Variants in TXNDC9 observed in about 807,000 individuals in gnomAD.
TXNDC9 encodes thioredoxin domain-containing protein 9.
TXNDC9 carries 7 observed loss-of-function variants against 23.0 expected under a neutral mutation model. The ratio of observed to expected loss-of-function variants is 0.30; its 90% CI spans 0.17 to 0.57. The LOEUF (loss-of-function observed/expected upper bound fraction) is 0.57. Among genes scored for constraint, TXNDC9 ranks in the 20% least tolerant of loss-of-function variants. The pLI, the probability that TXNDC9 is intolerant of heterozygous loss-of-function variation, is 0.90. For synonymous variants in TXNDC9, 72 were observed against 90.6 expected (o/e 0.79, Z 1.17); for missense variants, 198 against 252.6 (o/e 0.78, Z 1.47).
At chr2:99,322,849 C>A (rs1229647911) in intron 3 of TXNDC9, 1 of 615,064 alleles carries the variant, frequency 1.6e-6, no homozygotes, top group Non-Finnish European at 2.3e-6. Context: ...GCAAGCTCCG[C>A]CTCCCTGGTT....
rs185057211 is a variant in TXNDC9, at chr2:99,329,797, G to A, written c.190-2144C>T. ...AGCCTGGGCAACACGGCGAAACCCTGTCTCTACAAAAAATATGAAAATTAG... is the reference window on the plus strand; with the variant it reads ...AGCCTGGGCAACACGGCGAAACCCTATCTCTACAAAAAATATGAAAATTAG... On this transcript the variant is annotated intron_variant, in intron 2 of 4. Coordinates refer to ENST00000264255, the MANE Select transcript of TXNDC9 (RefSeq NM_005783.4). Among the ~76,000 whole-genome samples the A allele has an allele frequency of 6.4e-4, 97 of 150,560 alleles. 1 individual carries two copies. The highest frequency in any genetic ancestry group is 2.3e-3 in the African/African-American group (93 of 40,894).
intron 2 of TXNDC9, among the ~76,000 whole-genome samples, chr2:99,332,217 C>T (rs561204179): frequency 5.9e-5 from 9 of 152,222 alleles, no homozygotes; most frequent in South Asian, 2.1e-4. Context: ...CTAAGGTGGG[C>T]GGATCACTTG....
chr2:99,325,763 C>A (rs2094211637), intron 3 of TXNDC9, among the ~76,000 whole-genome samples: 1 of 152,092 alleles, frequency 6.6e-6, no homozygotes, highest in Admixed American at 6.5e-5. Context: ...GTAATCCCAA[C>A]ACTTTGGGAG....
At chr2:99,332,905 T>G (rs1048826116) in intron 2 of TXNDC9, 117 bp downstream of exon 2, 1 of 893,998 alleles carries the variant, frequency 1.1e-6, no homozygotes, top group African/African-American at 1.7e-5. Context: ...ATAGGTATTC[T>G]GAATTTTAAA....
intron 1 of TXNDC9, among the ~76,000 whole-genome samples, 178 bp from the exon 2 acceptor site, chr2:99,333,420 A>C (rs2094230602): frequency 6.6e-6 from 1 of 152,242 alleles, no homozygotes; most frequent in South Asian, 2.1e-4. Flanking sequence ...TTTAATTCTC[A>C]GTAGGTTCTA....
the TXNDC9 span, chr2:99,306,890 C>T: frequency 1.1e-4 from 45 of 408,750 alleles, no homozygotes; most frequent in Admixed American, 3.6e-4. Flanking sequence ...ATAAAGACCA[C>T]GTAGCCCAAA....
chr2:99,329,819 T>G (rs1308256024), intron 2 of TXNDC9, among the ~76,000 whole-genome samples: 1 of 150,934 alleles, frequency 6.6e-6, no homozygotes, highest in African/African-American at 2.4e-5. Flanking sequence ...AATATGAAAA[T>G]TAGCCAGGTG....
downstream of TXNDC9, among the ~76,000 whole-genome samples, chr2:99,315,044 C>A: frequency 7.1e-6 from 1 of 140,360 alleles, no homozygotes; most frequent in East Asian, 2.2e-4. Context: ...TACAGGCGCC[C>A]ACCACCACGC....
chr2:99,322,431 T>G, intron 3 of TXNDC9: 1 of 1,253,048 alleles, frequency 8.0e-7, no homozygotes, highest in South Asian at 1.8e-5. Flanking sequence ...AAGTCAGATT[T>G]GCATTAATGA....
chr2:99,330,197 G>C (rs575468304), intron 2 of TXNDC9, among the ~76,000 whole-genome samples: 4 of 138,936 alleles, frequency 2.9e-5, no homozygotes, highest in Non-Finnish European at 4.5e-5. Flanking sequence ...GGCTGAGGCA[G>C]AAGAATTGCT....
intron 3 of TXNDC9, chr2:99,322,738 TA>T (rs1343500096): frequency 5.0e-6 from 7 of 1,394,718 alleles, no homozygotes; most frequent in Non-Finnish European, 6.5e-6. Flanking sequence ...TCTAGGAAAT[TA>T]AAAAATACCA....
At position 99,336,320 on chromosome 2, in the gene TXNDC9, CT is replaced by C. The variant is rs2105329057; in HGVS notation, c.-115del. ...CACTCCGGCTTTTGCCTTGCAGTAG[CT>C]GCCGGCGGCTGCAAACGGGCCGTCA... On this transcript the variant is annotated 5_prime_UTR_variant, in exon 1 of 5. Coordinates refer to ENST00000264255, the MANE Select transcript of TXNDC9 (RefSeq NM_005783.4). 1 of 985,516 alleles carries C rather than the reference CT, an allele frequency of 1.0e-6. No homozygotes were observed. Among genetic ancestry groups the C allele is most frequent in the African/African-American group, 1.7e-5 (1 of 57,378 alleles). 61.0% of individuals were successfully genotyped at this position (985,516 alleles called of 1,614,324 possible). A position where few individuals can be genotyped will look rare whatever the true frequency, so the allele number is the denominator to read the frequency against.
At chr2:99,321,519 AT>A (rs2094201707) in intron 4 of TXNDC9, 1 of 153,350 alleles carries the variant, frequency 6.5e-6, no homozygotes, top group African/African-American at 2.4e-5. Context: ...AAAATCTAGT[AT>A]TTTAAAATAT....
chr2:99,336,228 C>T lies in TXNDC9; in HGVS notation c.-33+11G>A, dbSNP rs2105328946. The T allele has an allele frequency of 1.0e-6, 1 of 985,428 alleles. No individual in the cohort carries two copies. Among genetic ancestry groups the T allele is most frequent in the South Asian group, 4.7e-5 (1 of 21,284 alleles). 61.0% of individuals were successfully genotyped at this position (985,428 alleles called of 1,614,324 possible). The stretch of plus-strand genomic sequence containing the variant: ...TGGTGGTCGGATTCTTCTCACTACC[C>T]TCTGCCTCACCTGAGCTCTCGGTGA... On this transcript the variant is annotated intron_variant, in intron 1 of 4. Coordinates refer to ENST00000264255, the MANE Select transcript of TXNDC9 (RefSeq NM_005783.4).
downstream of TXNDC9, among the ~76,000 whole-genome samples, chr2:99,314,757 C>G (rs536462120): frequency 6.6e-6 from 1 of 151,586 alleles, no homozygotes; most frequent in African/African-American, 2.4e-5. Context: ...TTATTATAAT[C>G]ATCCTGGCTG....
At chr2:99,318,918 A>C (rs2094195454), downstream of TXNDC9, 2 of 152,254 alleles carry the variant, frequency 1.3e-5, no homozygotes, top group Admixed American at 6.5e-5. Context: ...GAGAGAGGGA[A>C]TGGGGTCATG....
Position 99,330,620 on chromosome 2 carries a change from T to C in TXNDC9, c.189+2402A>G, listed in dbSNP as rs530317467. ...CAAGCCTCTGCTTAACTCCTATTTC[T>C]TACCTTATCCCTCTATTCTGCTCCC... On this transcript the variant is annotated intron_variant, in intron 2 of 4. Coordinates refer to ENST00000264255, the MANE Select transcript of TXNDC9 (RefSeq NM_005783.4). 4.6e-5 allele frequency among the ~76,000 whole-genome samples: 7 copies of C among 152,296 alleles called. No individual in the cohort carries two copies. In the South Asian group the frequency reaches 1.4e-3, roughly 32 times the overall value.
chr2:99,318,540 G>A (rs986926875), downstream of TXNDC9, among the ~76,000 whole-genome samples: 4 of 152,144 alleles, frequency 2.6e-5, no homozygotes, highest in African/African-American at 7.2e-5. Flanking sequence ...CCAGAGCTAC[G>A]GGTGGGGACA....
the TXNDC9 span, among the ~76,000 whole-genome samples, chr2:99,313,234 T>C: frequency 2.6e-5 from 4 of 152,130 alleles, no homozygotes; most frequent in Non-Finnish European, 5.9e-5. Context: ...TTTTTCTTCT[T>C]CTATTTTTTA....
Sources: gnomAD v4.1 joint callset for allele counts (sites outside exome capture counted in the v4.1 genomes callset) on GRCh38, gnomAD v4.1.1 for gene constraint, MANE v1.5 for transcripts, NCBI Gene and HGNC (gene_info 2026-07-23, HGNC 2026-07-21) for gene names.